The following KPNA4 variants were observed in gnomAD, a reference collection of about 807,000 sequenced individuals.
KPNA4 encodes karyopherin subunit alpha 4.
In KPNA4, 13 loss-of-function variants were observed where a neutral mutation model predicts 71.3. The observed-to-expected ratio is 0.18, with a 90% CI of 0.12 to 0.29. The LOEUF is 0.29. KPNA4 is among the 10% of genes least tolerant of loss of function. KPNA4 has a pLI of 1.00. For missense variants in KPNA4, 334 were observed against 603.2 expected (o/e 0.55, Z 4.67); for synonymous variants, 189 against 195.2 (o/e 0.97, Z 0.26).
chr3:160,537,953 CCT>C (rs1485501881), intron 1 of KPNA4, among the ~76,000 whole-genome samples: 4 of 151,844 alleles, frequency 2.6e-5, no homozygotes, highest in African/African-American at 9.7e-5. Flanking sequence ...CTGCTCTTAC[CCT>C]CTGTCTTCCT....
chr3:160,542,653 G>A (rs765148219), intron 1 of KPNA4, among the ~76,000 whole-genome samples: 1 of 152,060 alleles, frequency 6.6e-6, no homozygotes, highest in Non-Finnish European at 1.5e-5. Context: ...ATTAACACTA[G>A]TATTAAAGGC....
chr3:160,497,967 AT>A lies in KPNA4; in HGVS notation c.*4136del, dbSNP rs202228572. The A allele has an allele frequency of 4.3e-3, 652 of 152,324 alleles. 4 individuals are homozygous for A. Among genetic ancestry groups the A allele is most frequent in the African/African-American group, 0.014 (570 of 41,564 alleles). 9.4% of individuals were successfully genotyped at this position (152,324 alleles called of 1,614,324 possible). ...ACCCATTCCTTAGTAAACAAAAAAAATATCCAAAAAGCTACATTCACATTTT... is the reference window on the plus strand; with the variant it reads ...ACCCATTCCTTAGTAAACAAAAAAAAATCCAAAAAGCTACATTCACATTTT... On this transcript the variant is annotated 3_prime_UTR_variant, in exon 17 of 17. Transcript: ENST00000334256.
At position 160,565,540 on chromosome 3, in the gene KPNA4, T is replaced by A. The variant is rs899887079; in HGVS notation, c.-258A>T. ...GCGGCGGCAAGGCGACGGAATGTGC[T>A]GCCGGCTGAGAGGGGGAGGCAGCCT... On this transcript the variant is annotated 5_prime_UTR_variant, in exon 1 of 17. Coordinates refer to ENST00000334256, the MANE Select transcript of KPNA4 (RefSeq NM_002268.5). 3.7e-6 allele frequency: 2 copies of A among 533,824 alleles called. No individual in the cohort carries two copies. Among genetic ancestry groups the A allele is most frequent in the South Asian group, 2.4e-5 (1 of 41,208 alleles). The allele number at this position is 533,824 out of a possible 1,614,324, so 33.1% of individuals were successfully genotyped here. A position where few individuals can be genotyped will look rare whatever the true frequency, so the allele number is the denominator to read the frequency against.
intron 11 of KPNA4, among the ~76,000 whole-genome samples, chr3:160,518,565 T>G (rs1204306127): frequency 6.6e-6 from 1 of 150,668 alleles, no homozygotes; most frequent in African/African-American, 2.4e-5. Flanking sequence ...GCTTCCTTAT[T>G]GAAAATCAAC....
intron 1 of KPNA4, among the ~76,000 whole-genome samples, chr3:160,551,079 A>C (rs1427802077): frequency 1.4e-5 from 2 of 143,556 alleles, no homozygotes; most frequent in Non-Finnish European, 3.1e-5. Context: ...CAATTCTTTA[A>C]ATGTTTGGTA....
At chr3:160,553,979 A>G (rs1311389017) in intron 1 of KPNA4, among the ~76,000 whole-genome samples, 4 of 152,226 alleles carry the variant, frequency 2.6e-5, no homozygotes, top group African/African-American at 9.6e-5. Flanking sequence ...TTAGAATGTA[A>G]ACTTCATAAG....
rs1720870528 is a variant in KPNA4 at position 160,501,165 on chromosome 3, T to G, written c.*939A>C. 1.3e-5 allele frequency: 2 copies of G among 152,390 alleles called. No homozygotes were observed. The highest frequency in any genetic ancestry group is 1.3e-4 in the Admixed American group (2 of 15,240). 9.4% of individuals were successfully genotyped at this position (152,390 alleles called of 1,614,324 possible). A position where few individuals can be genotyped will look rare whatever the true frequency, so the allele number is the denominator to read the frequency against. ...AATTAGTTTTGATGATATGGAAAGC[T>G]TTTCATAGCATCAAACATTCATCTG... On this transcript the variant is annotated 3_prime_UTR_variant, in exon 17 of 17. Coordinates refer to ENST00000334256, the MANE Select transcript of KPNA4 (RefSeq NM_002268.5).
intron 1 of KPNA4, among the ~76,000 whole-genome samples, chr3:160,550,055 T>G (rs192713074): frequency 2.6e-5 from 4 of 152,338 alleles, no homozygotes; most frequent in Admixed American, 2.0e-4. Flanking sequence ...AAACAGCTGT[T>G]TTTTTGTATG....
At chr3:160,548,551 G>A (rs1416082598) in intron 1 of KPNA4, among the ~76,000 whole-genome samples, 2 of 152,110 alleles carry the variant, frequency 1.3e-5, no homozygotes, top group Non-Finnish European at 2.9e-5. Context: ...GAATTATACA[G>A]TATTTTTTTG....
At chr3:160,525,874 C>T (rs768535880) in intron 9 of KPNA4, 30 bp from the exon 10 acceptor site, 4 of 1,528,778 alleles carry the variant, frequency 2.6e-6, no homozygotes, top group Non-Finnish European at 2.6e-6. Flanking sequence ...GATTTAAAAA[C>T]ATACACAAAT....
intron 1 of KPNA4, among the ~76,000 whole-genome samples, chr3:160,559,156 T>C (rs553992747): frequency 2.9e-4 from 44 of 152,270 alleles, no homozygotes; most frequent in African/African-American, 7.0e-4. Flanking sequence ...GACTTAATGG[T>C]TGGAAGATGT....
chr3:160,521,005 T>C (rs1270667348), intron 11 of KPNA4, among the ~76,000 whole-genome samples: 1 of 152,150 alleles, frequency 6.6e-6, no homozygotes, highest in African/African-American at 2.4e-5. Context: ...GGATAAATAT[T>C]ATGTGAAAGA....
intron 5 of KPNA4, among the ~76,000 whole-genome samples, 183 bp downstream of exon 5, chr3:160,535,330 G>A (rs189159711): frequency 6.6e-6 from 1 of 152,036 alleles, no homozygotes; most frequent in African/African-American, 2.4e-5. Flanking sequence ...TTAAAAAACT[G>A]TCACCAATTT....
chr3:160,564,858 G>T (rs994336901), intron 1 of KPNA4, among the ~76,000 whole-genome samples: 6 of 150,516 alleles, frequency 4.0e-5, no homozygotes, highest in African/African-American at 1.5e-4. Flanking sequence ...GCCGGGGAAG[G>T]GGCCGCGGCC....
intron 1 of KPNA4, among the ~76,000 whole-genome samples, chr3:160,563,576 G>C (rs1397701466): frequency 6.6e-6 from 1 of 152,124 alleles, no homozygotes; most frequent in African/African-American, 2.4e-5. Flanking sequence ...GAGGAAAAAA[G>C]GGTTATAGGG....
intron 15 of KPNA4, 21 bp from the exon 16 acceptor site, chr3:160,505,073 TGAAACAATAGTAATATTTA>T (rs761148507): frequency 4.5e-5 from 59 of 1,320,728 alleles, no homozygotes; most frequent in Non-Finnish European, 6.1e-5. Flanking sequence ...TTTTGCAATG[TGAAACAATAGTAATATTTA>T]AAGAGCAGTG....
chr3:160,552,011 T>C (rs1435049795), intron 1 of KPNA4, among the ~76,000 whole-genome samples: 1 of 148,562 alleles, frequency 6.7e-6, no homozygotes, highest in Non-Finnish European at 1.5e-5. Context: ...CATCCTACAG[T>C]GTACAGGACA....
At chr3:160,533,123 G>A (rs1046834676) in intron 5 of KPNA4, among the ~76,000 whole-genome samples, 1 of 151,896 alleles carries the variant, frequency 6.6e-6, no homozygotes, top group Admixed American at 6.6e-5. Context: ...TCCCAGGTTC[G>A]AGCAATTCTC....
rs1258065210 is a variant in KPNA4 at position 160,498,088 on chromosome 3, T to C, written c.*4016A>G. 6.6e-6 allele frequency: 1 copy of C among 152,174 alleles called. No individual in the cohort carries two copies. The highest frequency in any genetic ancestry group is 1.5e-5 in the Non-Finnish European group (1 of 68,024). 9.4% of individuals were successfully genotyped at this position (152,174 alleles called of 1,614,324 possible). A position where few individuals can be genotyped will look rare whatever the true frequency, so the allele number is the denominator to read the frequency against. ...TATGGGAGTTGAGATGTGGGCTTTA[T>C]TTGGCCCTTAGTAGCTGTGTGACCT... On this transcript the variant is annotated 3_prime_UTR_variant, in exon 17 of 17. Coordinates refer to ENST00000334256, the MANE Select transcript of KPNA4 (RefSeq NM_002268.5).
Sources: gnomAD v4.1 joint callset for allele counts (sites outside exome capture counted in the v4.1 genomes callset) on GRCh38, gnomAD v4.1.1 for gene constraint, MANE v1.5 for transcripts, NCBI Gene and HGNC (gene_info 2026-07-23, HGNC 2026-07-21) for gene names.